Variants in MAGI2 observed in about 807,000 individuals in gnomAD.
The protein encoded by MAGI2 is membrane associated guanylate kinase, WW and PDZ domain containing 2.
A neutral mutation model predicts 133.3 loss-of-function variants in MAGI2; 35 were observed. The ratio of observed to expected loss-of-function variants is 0.26; its 90% CI spans 0.20 to 0.35. MAGI2 has a LOEUF of 0.35. MAGI2 is among the 10% of genes least tolerant of loss of function. The pLI, the probability that MAGI2 is intolerant of heterozygous loss-of-function variation, is 1.00. For missense variants in MAGI2, 1,636 were observed against 1,863.4 expected, an observed-to-expected ratio of 0.88 and a Z score of 2.25; for synonymous variants, 729 against 710.6, an observed-to-expected ratio of 1.03 and a Z score of -0.41.
chr7:79,443,855 TTAAA>T (rs1848657897), intron 1 of MAGI2, among the ~76,000 whole-genome samples: 1 of 152,174 alleles, frequency 6.6e-6, no homozygotes, highest in African/African-American at 2.4e-5. Context: ...TGATTTTTAA[TTAAA>T]TAGTTTTGTT....
chr7:78,081,045 C>G (rs952560678), intron 20 of MAGI2, among the ~76,000 whole-genome samples: 2 of 152,154 alleles, frequency 1.3e-5, no homozygotes, highest in African/African-American at 2.4e-5. Context: ...AGCATTCAGG[C>G]CTGTACACAT....
chr7:78,123,123 A>G (rs73138389), intron 20 of MAGI2, among the ~76,000 whole-genome samples: 17,793 of 152,216 alleles, frequency 0.12, 1,380 homozygotes, highest in Non-Finnish European at 0.18. Flanking sequence ...TGACAATGAT[A>G]TATCTCTTTT....
At chr7:78,216,078 C>T (rs2150821963) in intron 10 of MAGI2, among the ~76,000 whole-genome samples, 1 of 152,286 alleles carries the variant, frequency 6.6e-6, no homozygotes, top group South Asian at 2.1e-4. Context: ...GTGTCAATAC[C>T]TAGTCCTAGC....
At chr7:78,387,969 TA>T (rs1041563621) in intron 6 of MAGI2, among the ~76,000 whole-genome samples, 1 of 116,242 alleles carries the variant, frequency 8.6e-6, no homozygotes, top group Non-Finnish European at 1.9e-5. Context: ...AATAAATAAA[TA>T]AATAAAATAA....
chr7:78,575,182 AATT>A (rs1368806641), intron 3 of MAGI2, among the ~76,000 whole-genome samples: 1 of 152,188 alleles, frequency 6.6e-6, no homozygotes, highest in African/African-American at 2.4e-5. Context: ...CTCACAAAAT[AATT>A]ATTAACTATC....
At chr7:78,609,955 G>A (rs1432630549) in intron 3 of MAGI2, among the ~76,000 whole-genome samples, 2 of 152,040 alleles carry the variant, frequency 1.3e-5, no homozygotes, top group African/African-American at 4.8e-5. Flanking sequence ...TGTATCTCTT[G>A]GTGGCAGCAT....
At chr7:78,383,246 C>T (rs1231053388) in intron 6 of MAGI2, among the ~76,000 whole-genome samples, 1 of 152,086 alleles carries the variant, frequency 6.6e-6, no homozygotes, top group East Asian at 1.9e-4. Context: ...ACAACAGTTC[C>T]CTTTTCTCTG....
At chr7:78,850,771 C>T (rs1373058374) in intron 2 of MAGI2, among the ~76,000 whole-genome samples, 1 of 152,016 alleles carries the variant, frequency 6.6e-6, no homozygotes, top group African/African-American at 2.4e-5. Flanking sequence ...CTTGCTATGC[C>T]CCCAAATTAT....
At chr7:78,917,578 C>G (rs1384471616) in intron 2 of MAGI2, among the ~76,000 whole-genome samples, 1 of 152,056 alleles carries the variant, frequency 6.6e-6, no homozygotes, top group Non-Finnish European at 1.5e-5. Context: ...TCTTTTGAGA[C>G]CAACTGAGTG....
chr7:79,190,291 T>A (rs868865391), intron 1 of MAGI2, among the ~76,000 whole-genome samples: 2 of 151,776 alleles, frequency 1.3e-5, no homozygotes, highest in Non-Finnish European at 2.9e-5. Context: ...CAGCAATTGG[T>A]GTTGTGTTTT....
At chr7:79,110,868 TAATG>T (rs962467427) in intron 1 of MAGI2, among the ~76,000 whole-genome samples, 6 of 152,258 alleles carry the variant, frequency 3.9e-5, no homozygotes, top group Admixed American at 1.3e-4. Flanking sequence ...ATCCTCATGA[TAATG>T]AATGAGTTCT....
At chr7:78,459,428 T>A (rs950486408) in intron 6 of MAGI2, among the ~76,000 whole-genome samples, 1 of 152,166 alleles carries the variant, frequency 6.6e-6, no homozygotes, top group Non-Finnish European at 1.5e-5. Flanking sequence ...AAAAATGGAG[T>A]CTTTAAATTA....
intron 6 of MAGI2, among the ~76,000 whole-genome samples, chr7:78,406,762 A>C (rs996048565): frequency 2.0e-5 from 3 of 152,052 alleles, no homozygotes; most frequent in African/African-American, 7.2e-5. Flanking sequence ...CACAGCTGTA[A>C]ACTTATTGTA....
chr7:78,636,507 G>A (rs1040039220), intron 2 of MAGI2, among the ~76,000 whole-genome samples: 1 of 152,054 alleles, frequency 6.6e-6, no homozygotes, highest in Non-Finnish European at 1.5e-5. Flanking sequence ...TAAAACATAG[G>A]CTGCATCAAG....
chr7:78,542,891 G>T (rs1450680683), intron 3 of MAGI2, among the ~76,000 whole-genome samples: 1 of 152,088 alleles, frequency 6.6e-6, no homozygotes, highest in Non-Finnish European at 1.5e-5. Context: ...GATTTGGAGG[G>T]GACCAAGAGA....
At chr7:79,389,272 C>A (rs1027644736) in intron 1 of MAGI2, among the ~76,000 whole-genome samples, 4 of 151,842 alleles carry the variant, frequency 2.6e-5, no homozygotes, top group African/African-American at 9.7e-5. Flanking sequence ...ACGCTATGGT[C>A]AGTATGCCAT....
chr7:78,608,710 G>A (rs188746457), intron 3 of MAGI2, among the ~76,000 whole-genome samples: 102 of 152,150 alleles, frequency 6.7e-4, no homozygotes, highest in Middle Eastern at 6.8e-3. Context: ...GAGATGTTAG[G>A]CACTTTAATT....
intron 2 of MAGI2, among the ~76,000 whole-genome samples, chr7:78,872,302 C>A (rs1410746217): frequency 6.6e-6 from 1 of 150,676 alleles, no homozygotes; most frequent in East Asian, 1.9e-4. Context: ...AAAAATACAG[C>A]AATTTATCAA....
At chr7:78,964,126 G>C (rs1027838186) in intron 2 of MAGI2, among the ~76,000 whole-genome samples, 2 of 151,438 alleles carry the variant, frequency 1.3e-5, no homozygotes, top group African/African-American at 4.9e-5. Flanking sequence ...TTATAAAAGG[G>C]GCATCTACGC....
Sources: gnomAD v4.1 joint callset for allele counts (sites outside exome capture counted in the v4.1 genomes callset) on GRCh38, gnomAD v4.1.1 for gene constraint, MANE v1.5 for transcripts, NCBI Gene and HGNC (gene_info 2026-07-23, HGNC 2026-07-21) for gene names.